ZNF333: variants seen among roughly 807,000 people sequenced by gnomAD.
ZNF333 encodes the protein zinc finger protein 333.
A neutral mutation model predicts 76.1 loss-of-function variants in ZNF333; 61 were observed. The ratio of observed to expected loss-of-function variants is 0.80; its 90% CI spans 0.65 to 0.99. ZNF333 has a LOEUF of 0.99. Among genes scored for constraint, ZNF333 ranks in the 50% least tolerant of loss-of-function variants. The probability of loss-of-function intolerance (pLI) is 0.00; values close to 1 mark genes in which losing one functional copy is unlikely to be tolerated. For missense variants in ZNF333, 717 were observed against 822.4 expected, an observed-to-expected ratio of 0.87 and a Z score of 1.57; for synonymous variants, 284 against 305.0, an observed-to-expected ratio of 0.93 and a Z score of 0.72.
chr19:14,693,555 T>C (rs1163132392), intron 2 of ZNF333, 61 bp downstream of exon 2: 1 of 1,544,832 alleles, frequency 6.5e-7, no homozygotes, highest in Non-Finnish European at 8.8e-7. Context: ...CTATGTCCTC[T>C]GGGCCCTGTC....
Position 14,720,789 on chromosome 19 carries a change from T to C in ZNF333, c.*1464T>C. On this transcript the variant is annotated 3_prime_UTR_variant, in exon 12 of 12. Transcript: ENST00000292530. ...CCATCTACACATTTATAAATGTTGA[T>C]CTGTGATCTAGCATTTATTGAGAGA... is the stretch of plus-strand genomic sequence containing the variant. 1.0e-6 allele frequency: 1 copy of C among 984,908 alleles called. No homozygotes were observed. The highest frequency in any genetic ancestry group is 1.2e-6 in the Non-Finnish European group (1 of 829,410). The allele number at this position is 984,908 out of a possible 1,614,324, so 61.0% of individuals were successfully genotyped here.
chr19:14,718,911 C>G lies in ZNF333; in HGVS notation c.1584C>G (p.His528Gln). The change falls in exon 12 of 12, where the codon CAC becomes CAG. Residue 528 changes from histidine to glutamine, a missense_variant. Physicochemically the swap from His to Gln is conservative, Grantham distance 24. Transcript: ENST00000292530. The part of the protein sequence containing the change: ...STHLNVHKRI[H>Q]TGEKLYECAT... ...ATCTGAACGTGCACAAGAGGATACA[C>G]ACAGGGGAGAAACTGTATGAGTGCG... The G allele has an allele frequency of 6.2e-7, 1 of 1,614,170 alleles. No individual in the cohort carries two copies. Among genetic ancestry groups the G allele is most frequent in the Admixed American group, 1.7e-5 (1 of 60,022 alleles).
chr19:14,713,962 AAAC>A (rs71333307), intron 7 of ZNF333, among the ~76,000 whole-genome samples: 24,765 of 151,938 alleles, frequency 0.16, 2,303 homozygotes, highest in Middle Eastern at 0.26. Flanking sequence ...CTCTGGCTCA[AAAC>A]AACAACAAAC....
chr19:14,722,455 T>C (rs1463038017), downstream of ZNF333, among the ~76,000 whole-genome samples: 1 of 152,218 alleles, frequency 6.6e-6, no homozygotes, highest in Non-Finnish European at 1.5e-5. Flanking sequence ...ATTTTTAAAT[T>C]AGTTTTTTGT....
chr19:14,691,772 G>A (rs1464676749), intron 1 of ZNF333, among the ~76,000 whole-genome samples: 1 of 148,744 alleles, frequency 6.7e-6, no homozygotes, highest in African/African-American at 2.5e-5. Context: ...TGCCTCCTGG[G>A]TTCAAGCAAT....
intron 10 of ZNF333, 92 bp from the exon 11 acceptor site, chr19:14,717,565 G>T (rs970536610): frequency 1.8e-6 from 2 of 1,099,386 alleles, no homozygotes; most frequent in Admixed American, 1.8e-5. Flanking sequence ...GGGAAAAAAA[G>T]TCCACATGTG....
At chr19:14,694,362 A>G (rs971614381) in intron 2 of ZNF333, among the ~76,000 whole-genome samples, 2 of 152,092 alleles carry the variant, frequency 1.3e-5, no homozygotes, top group Non-Finnish European at 2.9e-5. Context: ...AATCCCAGCT[A>G]CTTGGGAGGC....
Position 14,718,265 on chromosome 19 carries a change from A to G in ZNF333, c.938A>G (p.Asn313Ser), listed in dbSNP as rs1599753365. 1 of 1,613,398 alleles carries G rather than the reference A, an allele frequency of 6.2e-7. No individual in the cohort carries two copies. Among genetic ancestry groups the G allele is most frequent in the South Asian group, 1.1e-5 (1 of 90,960 alleles). The change falls in exon 12 of 12, where the codon AAT becomes AGT. Residue 313 changes from asparagine (N) to serine (S), a missense_variant. Transcript: ENST00000292530. ...CCTGGAGAAAAACTCTATAAATATA[A>G]TGAACTTGAGAAACCTTTTAACAGC... ...PQPGEKLYKY[N>S]ELEKPFNSIE... is the part of the protein sequence containing the mutation.
intron 7 of ZNF333, among the ~76,000 whole-genome samples, chr19:14,714,147 A>G (rs1057319507): frequency 3.3e-5 from 5 of 152,154 alleles, no homozygotes; most frequent in African/African-American, 1.2e-4. Context: ...ATGAAGAGAT[A>G]GAGGTAGCCC....
intron 10 of ZNF333, 92 bp from the exon 11 acceptor site, chr19:14,717,565 G>A (rs970536610): frequency 1.8e-6 from 2 of 1,099,386 alleles, no homozygotes; most frequent in Non-Finnish European, 2.8e-6. Flanking sequence ...GGGAAAAAAA[G>A]TCCACATGTG....
intron 9 of ZNF333, 99 bp downstream of exon 9, chr19:14,716,337 C>T: frequency 2.2e-6 from 3 of 1,383,462 alleles, no homozygotes; most frequent in Non-Finnish European, 2.9e-6. Flanking sequence ...TGGCTCACTG[C>T]AACCTCCGCT....
chr19:14,720,110 C>T lies in ZNF333; in HGVS notation c.*785C>T. ...CTGAGGCAGGAGAATTCTTTGAACCCAGGAGGCAGAGGTTGCAGTGAGCCG... is the reference window on the plus strand; with the variant it reads ...CTGAGGCAGGAGAATTCTTTGAACCTAGGAGGCAGAGGTTGCAGTGAGCCG... On this transcript the variant is annotated 3_prime_UTR_variant, in exon 12 of 12. Coordinates refer to ENST00000292530, the MANE Select transcript of ZNF333 (RefSeq NM_032433.4). 4 of 845,450 alleles carry T rather than the reference C, an allele frequency of 4.7e-6. No individual in the cohort carries two copies. The highest frequency in any genetic ancestry group is 5.7e-6 in the Non-Finnish European group (4 of 702,534). 52.4% of individuals were successfully genotyped at this position (845,450 alleles called of 1,614,324 possible). A position where few individuals can be genotyped will look rare whatever the true frequency, so the allele number is the denominator to read the frequency against.
chr19:14,714,238 T>G (rs529740996), intron 7 of ZNF333, among the ~76,000 whole-genome samples: 40 of 152,292 alleles, frequency 2.6e-4, no homozygotes, highest in Admixed American at 1.4e-3. Context: ...GAATGTGGCC[T>G]TATTGGAAAT....
chr19:14,695,618 GC>G lies in ZNF333; in HGVS notation c.182del (p.Pro61GlnfsTer48). On this transcript the variant is annotated frameshift_variant, in exon 4 of 12. Coordinates refer to ENST00000292530, the MANE Select transcript of ZNF333 (RefSeq NM_032433.4). LOFTEE classifies it high-confidence loss of function. ...CVSQLGQRAE[P>X]KATERGILRA... ...TCTCCCAGCTGGGGCAAAGAGCAGA[GC>G]CAAAGGCAACAGAACGAGGGATTCT... 6.2e-7 allele frequency: 1 copy of G among 1,614,184 alleles called. No homozygotes were observed. Among genetic ancestry groups the G allele is most frequent in the Non-Finnish European group, 8.5e-7 (1 of 1,180,032 alleles).
At chr19:14,697,345 CTTTTTTCTTTTCT>C (rs1281922035) in intron 4 of ZNF333, among the ~76,000 whole-genome samples, 3 of 125,560 alleles carry the variant, frequency 2.4e-5, no homozygotes, top group Non-Finnish European at 5.2e-5. Flanking sequence ...TACAATATTT[CTTTTTTCTTTTCT>C]TTTTTTTTTT....
intron 11 of ZNF333, among the ~76,000 whole-genome samples, chr19:14,727,194 AT>A (rs537256628): frequency 1.5e-3 from 232 of 151,854 alleles, no homozygotes; most frequent in African/African-American, 4.9e-3. Context: ...CGCCTGGCTA[AT>A]TTTTTTGTAT....
Position 14,721,280 on chromosome 19 carries a change from C to CTTTTTTTTT in ZNF333, c.*1972_*1980dup, listed in dbSNP as rs56066058. 3.9e-4 allele frequency: 34 copies of CTTTTTTTTT among 87,852 alleles called. No individual in the cohort carries two copies. Among genetic ancestry groups the CTTTTTTTTT allele is most frequent in the Non-Finnish European group, 5.2e-4 (25 of 47,630 alleles). The allele number at this position is 87,852 out of a possible 1,614,324, so 5.4% of individuals were successfully genotyped here. On this transcript the variant is annotated 3_prime_UTR_variant, in exon 12 of 12. Coordinates refer to ENST00000292530, the MANE Select transcript of ZNF333 (RefSeq NM_032433.4). ...GGACTAGTCTCCATTTTTACTTGTT[C>CTTTTTTTTT]TTTTTTTTTTTTTTTTTTTTTTTTT... is the stretch of plus-strand genomic sequence containing the variant.
chr19:14,712,350 G>C lies in ZNF333; in HGVS notation c.512-3032G>C, dbSNP rs566986265. The stretch of plus-strand genomic sequence containing the variant: ...TTCTCGTGCCTCAGCCTCCCGAGTG[G>C]CTGGGACTACAGATGTGTGCCACCA... On this transcript the variant is annotated intron_variant, in intron 7 of 11. Coordinates refer to ENST00000292530, the MANE Select transcript of ZNF333 (RefSeq NM_032433.4). 1.3e-5 allele frequency among the ~76,000 whole-genome samples: 2 copies of C among 152,018 alleles called. 1 individual carries two copies. The highest frequency in any genetic ancestry group is 4.1e-4 in the South Asian group (2 of 4,826).
chr19:14,724,639 G>A (rs1400207989), downstream of ZNF333, among the ~76,000 whole-genome samples: 1 of 152,150 alleles, frequency 6.6e-6, no homozygotes, highest in African/African-American at 2.4e-5. Flanking sequence ...GGTGGCGGGA[G>A]CCTGTAATCC....
Sources: gnomAD v4.1 joint callset for allele counts (sites outside exome capture counted in the v4.1 genomes callset) on GRCh38, gnomAD v4.1.1 for gene constraint, MANE v1.5 for transcripts, NCBI Gene and HGNC (gene_info 2026-07-23, HGNC 2026-07-21) for gene names.